DOK6: variants seen among roughly 807,000 people sequenced by gnomAD.
DOK6 encodes docking protein 6.
DOK6 carries 22 observed loss-of-function variants against 44.0 expected under a neutral mutation model. The ratio of observed to expected loss-of-function variants is 0.50; its 90% CI spans 0.36 to 0.71. The LOEUF (loss-of-function observed/expected upper bound fraction) is 0.71. Ranked by LOEUF, DOK6 falls within the 30% of genes least tolerant of loss-of-function variation. DOK6 has a pLI of 0.00. For synonymous variants in DOK6, 166 were observed against 145.5 expected, an observed-to-expected ratio of 1.14 and a Z score of -1.01; for missense variants, 340 against 416.4, an observed-to-expected ratio of 0.82 and a Z score of 1.60.
chr18:69,703,055 A>G (rs1986556516), intron 5 of DOK6, among the ~76,000 whole-genome samples: 1 of 151,354 alleles, frequency 6.6e-6, no homozygotes, highest in Non-Finnish European at 1.5e-5. Flanking sequence ...CGAGGGGGAA[A>G]AAAAAAAAGC....
At chr18:69,713,814 A>G (rs920073983) in intron 5 of DOK6, among the ~76,000 whole-genome samples, 1 of 152,160 alleles carries the variant, frequency 6.6e-6, no homozygotes, top group Admixed American at 6.5e-5. Context: ...AACTCCCAGG[A>G]TGGTAGATCT....
intron 1 of DOK6, among the ~76,000 whole-genome samples, chr18:69,474,212 T>C (rs751703877): frequency 5.3e-5 from 8 of 152,104 alleles, no homozygotes; most frequent in Non-Finnish European, 1.0e-4. Context: ...CTCTCTCTGG[T>C]TTTTGCTCTG....
intron 4 of DOK6, among the ~76,000 whole-genome samples, chr18:69,685,675 T>C (rs1986137275): frequency 6.6e-6 from 1 of 152,178 alleles, no homozygotes; most frequent in Non-Finnish European, 1.5e-5. Flanking sequence ...AAGCTTGAAA[T>C]TTGGGGGTAA....
intron 6 of DOK6, among the ~76,000 whole-genome samples, chr18:69,755,690 T>C (rs967743099): frequency 6.6e-6 from 1 of 152,252 alleles, no homozygotes; most frequent in East Asian, 1.9e-4. Flanking sequence ...ATGCACGTTT[T>C]TAACGTGCAT....
chr18:69,512,049 A>G (rs1981380051), intron 1 of DOK6, among the ~76,000 whole-genome samples: 1 of 152,038 alleles, frequency 6.6e-6, no homozygotes, highest in African/African-American at 2.4e-5. Context: ...AGTGGATTTC[A>G]GTTGTTTTTT....
At chr18:69,584,779 GT>G (rs1016391050) in intron 2 of DOK6, among the ~76,000 whole-genome samples, 1 of 146,988 alleles carries the variant, frequency 6.8e-6, no homozygotes, top group African/African-American at 2.5e-5. Context: ...CAAGTTTTCT[GT>G]TTTTTTTTCT....
intron 7 of DOK6, among the ~76,000 whole-genome samples, chr18:69,792,470 A>G (rs1469009471): frequency 6.6e-6 from 1 of 151,840 alleles, no homozygotes; most frequent in Non-Finnish European, 1.5e-5. Context: ...TACTTGTTTA[A>G]TTCCTTTTTC....
At chr18:69,595,261 A>G (rs912012410) in intron 2 of DOK6, among the ~76,000 whole-genome samples, 1 of 152,238 alleles carries the variant, frequency 6.6e-6, no homozygotes, top group Non-Finnish European at 1.5e-5. Context: ...TGGCTAATCT[A>G]AGCACAACAG....
In DOK6 at chr18:69,686,132, T is replaced by A. The variant is rs187060569; in HGVS notation, c.409+8279T>A. 2.7e-4 allele frequency among the ~76,000 whole-genome samples: 41 copies of A among 151,814 alleles called. 1 individual carries two copies. The highest frequency in any genetic ancestry group is 9.7e-4 in the African/African-American group (40 of 41,346). ...ACAGAGGGAAAACCATATAAAGATA[T>A]AGGAAGAAAATGGCCCAGTACAAGC... On this transcript the variant is annotated intron_variant, in intron 4 of 7. Coordinates refer to ENST00000382713, the MANE Select transcript of DOK6 (RefSeq NM_152721.6).
At chr18:69,513,351 C>T (rs967869627) in intron 1 of DOK6, among the ~76,000 whole-genome samples, 2 of 152,318 alleles carry the variant, frequency 1.3e-5, no homozygotes, top group African/African-American at 2.4e-5. Context: ...CCTTTGAGCA[C>T]GTGCGTGGGT....
At chr18:69,628,215 G>A (rs1374014390) in intron 3 of DOK6, among the ~76,000 whole-genome samples, 1 of 152,192 alleles carries the variant, frequency 6.6e-6, no homozygotes, top group Non-Finnish European at 1.5e-5. Flanking sequence ...GAGGCTTGGT[G>A]TGGTGGCTCA....
intron 2 of DOK6, among the ~76,000 whole-genome samples, chr18:69,587,555 ACCTT>A (rs1238715934): frequency 6.6e-6 from 1 of 152,138 alleles, no homozygotes; most frequent in Non-Finnish European, 1.5e-5. Flanking sequence ...ACTTGGACAT[ACCTT>A]CCCAGGACCC....
At chr18:69,752,049 A>G (rs1010992152) in intron 6 of DOK6, among the ~76,000 whole-genome samples, 3 of 151,982 alleles carry the variant, frequency 2.0e-5, no homozygotes, top group Admixed American at 2.0e-4. Flanking sequence ...TAAAAAAAAT[A>G]GATCAAGAAG....
At chr18:69,732,493 G>T (rs933082740) in intron 5 of DOK6, among the ~76,000 whole-genome samples, 2 of 152,076 alleles carry the variant, frequency 1.3e-5, no homozygotes, top group African/African-American at 4.8e-5. Flanking sequence ...AAATAGAAGA[G>T]CATCTTATAT....
chr18:69,485,715 T>A (rs1444055185), intron 1 of DOK6, among the ~76,000 whole-genome samples: 1 of 152,112 alleles, frequency 6.6e-6, no homozygotes. Context: ...TTTGAGAGAA[T>A]GTTTTCTAGG....
At chr18:69,726,364 T>C (rs1978307394) in intron 5 of DOK6, among the ~76,000 whole-genome samples, 1 of 152,166 alleles carries the variant, frequency 6.6e-6, no homozygotes, top group African/African-American at 2.4e-5. Context: ...TTTAATCTTT[T>C]GTTTATTTGC....
chr18:69,631,410 T>TA, intron 3 of DOK6, among the ~76,000 whole-genome samples: 1 of 152,100 alleles, frequency 6.6e-6, no homozygotes, highest in Non-Finnish European at 1.5e-5. Context: ...TGTGACCAGC[T>TA]GGCCCAGGAG....
intron 1 of DOK6, among the ~76,000 whole-genome samples, chr18:69,492,405 C>T (rs1599156976): frequency 1.3e-5 from 2 of 151,876 alleles, no homozygotes; most frequent in African/African-American, 4.8e-5. Context: ...TTTATTTTAT[C>T]TTATTTTATT....
At position 69,606,391 on chromosome 18, in the gene DOK6, A is replaced by G. The variant is rs576516480; in HGVS notation, c.289+6893A>G. Among the ~76,000 whole-genome samples the G allele has an allele frequency of 2.0e-4, 30 of 152,238 alleles. No homozygotes were observed. The South Asian group carries it at 4.8e-3, about 24-fold the overall frequency. On this transcript the variant is annotated intron_variant, in intron 3 of 7. Coordinates refer to ENST00000382713, the MANE Select transcript of DOK6 (RefSeq NM_152721.6). ...CAACTCTCAATAAAATACGTATAAA[A>G]GGAACAAACTTCAACAGAATAATGG...
Sources: allele counts gnomAD v4.1 joint callset (sites outside exome capture counted in the v4.1 genomes callset), GRCh38; gene constraint gnomAD v4.1.1; transcripts MANE v1.5; gene names NCBI Gene and HGNC (gene_info 2026-07-23, HGNC 2026-07-21).